The following BABAM2 variants were observed in gnomAD, a reference collection of about 807,000 sequenced individuals.
The protein encoded by BABAM2 is BRISC and BRCA1 A complex member 2.
BABAM2 carries 31 observed loss-of-function variants against 54.7 expected under a neutral mutation model. The observed-to-expected ratio is 0.57, with a 90% CI of 0.43 to 0.77. BABAM2 has a LOEUF of 0.77. BABAM2 is among the 30% of genes least tolerant of loss of function. BABAM2 has a pLI of 0.00. For missense variants in BABAM2, 364 were observed against 455.8 expected (o/e 0.80, Z 1.83); for synonymous variants, 167 against 162.9 (o/e 1.03, Z -0.19).
chr2:28,249,395 G>A (rs1469793355), intron 10 of BABAM2, among the ~76,000 whole-genome samples: 2 of 151,910 alleles, frequency 1.3e-5, no homozygotes, highest in Non-Finnish European at 2.9e-5. Flanking sequence ...TGCCCTAAGG[G>A]TAGCTTTTAT....
intron 10 of BABAM2, among the ~76,000 whole-genome samples, chr2:28,291,590 G>A (rs558686086): frequency 1.5e-4 from 22 of 150,494 alleles, no homozygotes; most frequent in Non-Finnish European, 2.8e-4. Context: ...GTGAAACTCC[G>A]TCTCCAAAAA....
intron 6 of BABAM2, among the ~76,000 whole-genome samples, chr2:28,060,712 T>G (rs1046031536): frequency 1.3e-5 from 2 of 152,170 alleles, no homozygotes; most frequent in African/African-American, 4.8e-5. Context: ...AAATTTGATA[T>G]TTTAAAGATA....
chr2:28,110,219 G>A (rs1667880216), intron 6 of BABAM2, among the ~76,000 whole-genome samples: 1 of 152,078 alleles, frequency 6.6e-6, no homozygotes, highest in African/African-American at 2.4e-5. Flanking sequence ...TGTAAGGCTG[G>A]ATAATATTCC....
intron 5 of BABAM2, among the ~76,000 whole-genome samples, chr2:28,032,448 C>G (rs147561930): frequency 5.9e-5 from 9 of 152,204 alleles, no homozygotes; most frequent in Admixed American, 2.0e-4. Context: ...CTCCCTGCCC[C>G]CTGAACCTCC....
chr2:28,058,567 A>G (rs1573492730), intron 6 of BABAM2, among the ~76,000 whole-genome samples: 1 of 149,286 alleles, frequency 6.7e-6, no homozygotes, highest in Non-Finnish European at 1.5e-5. Flanking sequence ...ATATATATGT[A>G]TATATATAAA....
At chr2:27,898,371 G>A (rs927828318) in intron 2 of BABAM2, among the ~76,000 whole-genome samples, 2 of 152,154 alleles carry the variant, frequency 1.3e-5, no homozygotes, top group African/African-American at 4.8e-5. Context: ...TTGGAATGGG[G>A]TGAGCTTGGA....
chr2:27,971,040 GC>G (rs1671173951), intron 3 of BABAM2, among the ~76,000 whole-genome samples: 1 of 152,028 alleles, frequency 6.6e-6, no homozygotes, highest in South Asian at 2.1e-4. Context: ...TTCCATTGTT[GC>G]TGCTGCTTGA....
intron 3 of BABAM2, among the ~76,000 whole-genome samples, chr2:27,940,198 A>G (rs78035009): frequency 1.3e-5 from 2 of 152,212 alleles, no homozygotes; most frequent in African/African-American, 4.8e-5. Flanking sequence ...GGATGGTGCA[A>G]CTGAAGTGGC....
At chr2:28,277,316 G>A (rs1224305645) in intron 10 of BABAM2, among the ~76,000 whole-genome samples, 1 of 152,054 alleles carries the variant, frequency 6.6e-6, no homozygotes, top group African/African-American at 2.4e-5. Context: ...TGTTGGCCAG[G>A]CTGGTCTCAA....
At chr2:28,037,482 C>T (rs902233306) in intron 5 of BABAM2, among the ~76,000 whole-genome samples, 2 of 151,980 alleles carry the variant, frequency 1.3e-5, no homozygotes, top group Non-Finnish European at 2.9e-5. Context: ...TTGTTTGCTT[C>T]TAATCTTTTG....
chr2:28,278,679 A>G (rs1252622513), intron 10 of BABAM2, among the ~76,000 whole-genome samples: 2 of 152,210 alleles, frequency 1.3e-5, no homozygotes, highest in Non-Finnish European at 2.9e-5. Flanking sequence ...TTCCCACAGG[A>G]TGAATCTGTG....
chr2:28,308,355 C>T, intron 11 of BABAM2: 1 of 483,820 alleles, frequency 2.1e-6, no homozygotes, highest in Non-Finnish European at 4.1e-6. Context: ...GAAGAGCACT[C>T]CCAGGAGAAA....
chr2:28,105,137 A>G (rs1214780780), intron 6 of BABAM2, among the ~76,000 whole-genome samples: 1 of 152,188 alleles, frequency 6.6e-6, no homozygotes, highest in Non-Finnish European at 1.5e-5. Flanking sequence ...ATGTATACAT[A>G]TGTAACAAAC....
chr2:28,200,822 G>A (rs990205302), intron 7 of BABAM2, among the ~76,000 whole-genome samples: 2 of 152,126 alleles, frequency 1.3e-5, no homozygotes, highest in Non-Finnish European at 1.5e-5. Context: ...AGGTTGGAGT[G>A]CAGTGATGCA....
At chr2:28,284,787 A>T (rs1338530867) in intron 10 of BABAM2, among the ~76,000 whole-genome samples, 3 of 152,204 alleles carry the variant, frequency 2.0e-5, no homozygotes, top group Non-Finnish European at 1.5e-5. Context: ...CTCAGCTGGA[A>T]ATCAGGCTAG....
At chr2:28,084,280 A>T (rs1275239286) in intron 6 of BABAM2, among the ~76,000 whole-genome samples, 2 of 152,164 alleles carry the variant, frequency 1.3e-5, no homozygotes, top group Admixed American at 1.3e-4. Context: ...TTAAGAGAGA[A>T]ATCATAGCTG....
chr2:28,284,843 C>T (rs1011022092), intron 10 of BABAM2, among the ~76,000 whole-genome samples: 11 of 152,136 alleles, frequency 7.2e-5, no homozygotes, highest in Admixed American at 2.0e-4. Context: ...GTTTTAATTG[C>T]TTCTAAGAGA....
chr2:28,077,406 A>G (rs910552273), intron 6 of BABAM2, among the ~76,000 whole-genome samples: 18 of 152,200 alleles, frequency 1.2e-4, no homozygotes, highest in Non-Finnish European at 2.6e-4. Flanking sequence ...ATTCCATAGT[A>G]TAATTATCCT....
chr2:28,112,135 TTCTTTCTTTCTTTACCTCCC>T (rs1215979282), intron 6 of BABAM2, among the ~76,000 whole-genome samples: 15 of 17,192 alleles, frequency 8.7e-4, no homozygotes, highest in African/African-American at 1.8e-3. Context: ...CTTTCTTTCT[TTCTTTCTTTCTTTACCTCCC>T]TCCCTCCCTC....
Sources: gnomAD v4.1 joint callset for allele counts (sites outside exome capture counted in the v4.1 genomes callset) on GRCh38, gnomAD v4.1.1 for gene constraint, MANE v1.5 for transcripts, NCBI Gene and HGNC (gene_info 2026-07-23, HGNC 2026-07-21) for gene names.